NXPE2: variants seen among roughly 807,000 people sequenced by gnomAD.
The protein encoded by NXPE2 is NXPE family member 2.
A neutral mutation model predicts 34.4 loss-of-function variants in NXPE2; 34 were observed. That is an observed-to-expected ratio of 0.99 (90% CI 0.75 to 1.31). NXPE2 has a LOEUF of 1.31. Among genes scored for constraint, NXPE2 ranks in the 40% most tolerant of loss-of-function variants. The pLI, the probability that NXPE2 is intolerant of heterozygous loss-of-function variation, is 0.00. For missense variants in NXPE2, 649 were observed against 672.5 expected, an observed-to-expected ratio of 0.97 and a Z score of 0.39; for synonymous variants, 235 against 231.3, an observed-to-expected ratio of 1.02 and a Z score of -0.15.
the NXPE2 span, among the ~76,000 whole-genome samples, chr11:114,478,935 C>T: frequency 1.3e-5 from 2 of 152,128 alleles, no homozygotes; most frequent in African/African-American, 2.4e-5. Flanking sequence ...GGGAATGAGA[C>T]ATTTAACCAG....
At chr11:114,773,520 C>T in the NXPE2 span, among the ~76,000 whole-genome samples, 11 of 152,128 alleles carry the variant, frequency 7.2e-5, no homozygotes, top group South Asian at 1.5e-3. Flanking sequence ...CCCCAGGACC[C>T]TGGATTTCTC....
chr11:114,696,112 A>G (rs1185404422), intron 2 of NXPE2, among the ~76,000 whole-genome samples: 1 of 151,996 alleles, frequency 6.6e-6, no homozygotes, highest in Non-Finnish European at 1.5e-5. Context: ...TGAGACTGGC[A>G]GATCCCTTAA....
chr11:114,668,529 C>A, the NXPE2 span, among the ~76,000 whole-genome samples: 1 of 152,022 alleles, frequency 6.6e-6, no homozygotes, highest in Non-Finnish European at 1.5e-5. Flanking sequence ...ACAGAAGGAA[C>A]CTCAGCCTTC....
the NXPE2 span, chr11:114,526,478 G>A: frequency 1.5e-5 from 1 of 66,176 alleles, no homozygotes; most frequent in South Asian, 4.5e-4. Flanking sequence ...GTTAAATTGT[G>A]AATTTGCATT....
At chr11:114,796,325 G>T in the NXPE2 span, among the ~76,000 whole-genome samples, 1 of 152,144 alleles carries the variant, frequency 6.6e-6, no homozygotes, top group Non-Finnish European at 1.5e-5. Context: ...AGTCCTTGAA[G>T]AATTTTTTAT....
chr11:114,648,331 T>A, the NXPE2 span, among the ~76,000 whole-genome samples: 1 of 152,152 alleles, frequency 6.6e-6, no homozygotes, highest in African/African-American at 2.4e-5. Flanking sequence ...GAAGAGCCAA[T>A]GTTTTGGTTC....
chr11:114,594,199 C>T, the NXPE2 span, among the ~76,000 whole-genome samples: 2 of 152,000 alleles, frequency 1.3e-5, no homozygotes, highest in African/African-American at 4.8e-5. Context: ...GTTTGTAGCA[C>T]AAGAAAGGAT....
the NXPE2 span, among the ~76,000 whole-genome samples, chr11:114,525,224 C>T: frequency 6.6e-6 from 1 of 151,970 alleles, no homozygotes; most frequent in African/African-American, 2.4e-5. Flanking sequence ...TTTGGCCTCT[C>T]AGCTTCCTCA....
the NXPE2 span, among the ~76,000 whole-genome samples, chr11:114,560,448 G>T: frequency 2.6e-5 from 4 of 151,814 alleles, no homozygotes; most frequent in African/African-American, 4.8e-5. Context: ...TTTGTATTTT[G>T]TAGAGATGGG....
the NXPE2 span, among the ~76,000 whole-genome samples, chr11:114,507,704 GT>G: frequency 6.6e-6 from 1 of 151,976 alleles, no homozygotes; most frequent in Non-Finnish European, 1.5e-5. Flanking sequence ...ATCCATTCAT[GT>G]TAAAAACTCT....
At chr11:114,716,987 A>G in the NXPE2 span, among the ~76,000 whole-genome samples, 1 of 152,242 alleles carries the variant, frequency 6.6e-6, no homozygotes. Context: ...TGAGCTAAGA[A>G]TAATTTTTTA....
chr11:114,756,938 A>T, the NXPE2 span, among the ~76,000 whole-genome samples: 2 of 152,100 alleles, frequency 1.3e-5, no homozygotes, highest in Non-Finnish European at 1.5e-5. Flanking sequence ...GCAGCATTGG[A>T]TGGATTAACC....
chr11:114,791,990 G>A, the NXPE2 span, among the ~76,000 whole-genome samples: 9 of 152,102 alleles, frequency 5.9e-5, no homozygotes, highest in Non-Finnish European at 1.0e-4. Context: ...CCCGGGAGGC[G>A]GAGCTTGCAG....
chr11:114,502,308 C>T, the NXPE2 span, among the ~76,000 whole-genome samples: 1 of 152,116 alleles, frequency 6.6e-6, no homozygotes, highest in African/African-American at 2.4e-5. Flanking sequence ...TTTTCAAATT[C>T]TTCACTCCCC....
At chr11:114,511,323 C>CCTTCGT in the NXPE2 span, among the ~76,000 whole-genome samples, 1 of 152,150 alleles carries the variant, frequency 6.6e-6, no homozygotes, top group Non-Finnish European at 1.5e-5. Flanking sequence ...CACTCTTTGC[C>CCTTCGT]CTTCGTCTTC....
chr11:114,491,573 T>A, the NXPE2 span, among the ~76,000 whole-genome samples: 1 of 152,156 alleles, frequency 6.6e-6, no homozygotes, highest in African/African-American at 2.4e-5. Flanking sequence ...ACTGTAAACT[T>A]GTTCCACCAT....
chr11:114,631,769 T>A, the NXPE2 span, among the ~76,000 whole-genome samples: 4 of 151,814 alleles, frequency 2.6e-5, no homozygotes, highest in South Asian at 8.3e-4. Context: ...GGATAATAAG[T>A]ATTGCCTCAT....
the NXPE2 span, among the ~76,000 whole-genome samples, chr11:114,725,992 T>TATATATATATATATATATATA: frequency 7.1e-6 from 1 of 140,030 alleles, no homozygotes; most frequent in African/African-American, 2.5e-5. Flanking sequence ...TATATATATA[T>TATATATATATATATATATATA]AAAAAGAAAA....
chr11:114,718,518 T>G, the NXPE2 span, among the ~76,000 whole-genome samples: 1 of 152,178 alleles, frequency 6.6e-6, no homozygotes, highest in Non-Finnish European at 1.5e-5. Context: ...ATGCCTAATT[T>G]TAATAAACCA....
Sources: allele counts gnomAD v4.1 joint callset (sites outside exome capture counted in the v4.1 genomes callset), GRCh38; gene constraint gnomAD v4.1.1; transcripts MANE v1.5; gene names NCBI Gene and HGNC (gene_info 2026-07-23, HGNC 2026-07-21).